The following DPYD variants were observed in gnomAD, a reference collection of about 807,000 sequenced individuals.
The protein encoded by DPYD is dihydropyrimidine dehydrogenase [NADP(+)].
In DPYD, 109 loss-of-function variants were observed where a neutral mutation model predicts 116.2. The ratio of observed to expected loss-of-function variants is 0.94; its 90% CI spans 0.80 to 1.10. DPYD has a LOEUF of 1.10. DPYD is among the 50% of genes least tolerant of loss of function. The pLI is 0.00. For missense variants in DPYD, 1,302 were observed against 1,254.5 expected (o/e 1.04, Z -0.57); for synonymous variants, 440 against 432.0 (o/e 1.02, Z -0.23).
At chr1:97,190,726 G>C (rs991312690) in intron 20 of DPYD, among the ~76,000 whole-genome samples, 2 of 152,122 alleles carry the variant, frequency 1.3e-5, no homozygotes, top group Non-Finnish European at 2.9e-5. Flanking sequence ...CTAATTACTT[G>C]AAAGATAACA....
chr1:97,860,207 G>C, intron 2 of DPYD, among the ~76,000 whole-genome samples: 1 of 152,060 alleles, frequency 6.6e-6, no homozygotes, highest in East Asian at 1.9e-4. Flanking sequence ...GCTGGGTGTG[G>C]TGATGCACTC....
intron 20 of DPYD, among the ~76,000 whole-genome samples, chr1:97,190,601 A>G (rs1658282541): frequency 1.3e-5 from 2 of 152,182 alleles, no homozygotes; most frequent in Admixed American, 1.3e-4. Context: ...TGGCTTGCAC[A>G]GTAAGTGTAC....
At chr1:97,188,032 C>T (rs904069277) in intron 20 of DPYD, among the ~76,000 whole-genome samples, 3 of 151,956 alleles carry the variant, frequency 2.0e-5, no homozygotes, top group Non-Finnish European at 4.4e-5. Context: ...AACTTTTTGT[C>T]AAATTTGCTT....
intron 19 of DPYD, among the ~76,000 whole-genome samples, chr1:97,198,174 T>A (rs1658945103): frequency 6.6e-6 from 1 of 152,074 alleles, no homozygotes; most frequent in Non-Finnish European, 1.5e-5. Context: ...AGATCCTGCA[T>A]TGGCCAAATT....
At chr1:97,479,862 A>C (rs1317265756) in intron 13 of DPYD, among the ~76,000 whole-genome samples, 1 of 152,214 alleles carries the variant, frequency 6.6e-6, no homozygotes. Context: ...GTTCTTACTA[A>C]TGGGATCCTG....
intron 3 of DPYD, among the ~76,000 whole-genome samples, chr1:97,790,252 G>A (rs1294047202): frequency 2.6e-5 from 4 of 152,240 alleles, no homozygotes; most frequent in African/African-American, 4.8e-5. Flanking sequence ...TACTCTTCAT[G>A]GACCCAGCTG....
chr1:97,088,567 G>T (rs558131021), intron 21 of DPYD, among the ~76,000 whole-genome samples: 1 of 152,088 alleles, frequency 6.6e-6, no homozygotes, highest in African/African-American at 2.4e-5. Flanking sequence ...GGTCTCTGAG[G>T]CAGTCCCAGG....
At chr1:97,402,557 C>A (rs765148537) in intron 14 of DPYD, among the ~76,000 whole-genome samples, 6 of 152,036 alleles carry the variant, frequency 3.9e-5, no homozygotes, top group Non-Finnish European at 8.8e-5. Flanking sequence ...ATAATGTCAT[C>A]TGCAAAAACA....
chr1:97,396,448 G>T (rs1673010286), intron 14 of DPYD, among the ~76,000 whole-genome samples: 1 of 151,910 alleles, frequency 6.6e-6, no homozygotes, highest in Admixed American at 6.6e-5. Flanking sequence ...CATTCTCAGA[G>T]GCTAACCTTA....
At chr1:97,279,711 T>C (rs1394961446) in intron 18 of DPYD, among the ~76,000 whole-genome samples, 1 of 152,138 alleles carries the variant, frequency 6.6e-6, no homozygotes, top group Non-Finnish European at 1.5e-5. Context: ...GGTTTCACCA[T>C]GTTGGCCAAG....
At chr1:97,392,914 A>T (rs1487943247) in intron 14 of DPYD, among the ~76,000 whole-genome samples, 1 of 152,034 alleles carries the variant, frequency 6.6e-6, no homozygotes, top group Non-Finnish European at 1.5e-5. Context: ...GTTAATGCAG[A>T]CATCTGACTT....
chr1:97,363,803 G>C (rs1428329636), intron 16 of DPYD, among the ~76,000 whole-genome samples: 1 of 152,146 alleles, frequency 6.6e-6, no homozygotes, highest in Admixed American at 6.5e-5. Context: ...GGCCTGTCAT[G>C]GGGTGGGGAG....
chr1:97,374,170 T>C (rs1375184981), intron 15 of DPYD, among the ~76,000 whole-genome samples: 1 of 152,208 alleles, frequency 6.6e-6, no homozygotes, highest in Non-Finnish European at 1.5e-5. Context: ...AAGCAAAATG[T>C]AAAATGTTTT....
chr1:97,903,847 A>T (rs938500494), intron 1 of DPYD, among the ~76,000 whole-genome samples: 10 of 151,982 alleles, frequency 6.6e-5, no homozygotes, highest in Non-Finnish European at 1.3e-4. Flanking sequence ...CTGTCCAAAA[A>T]TCTGACGGCT....
At position 97,915,990 on chromosome 1, in the gene DPYD, ATC is replaced by A. The variant is rs199960457; in HGVS notation, c.39+4892_39+4893del. Among the ~76,000 whole-genome samples, 1,418 of 152,274 alleles carry A rather than the reference ATC, an allele frequency of 9.3e-3. 14 individuals carry two copies. The highest frequency in any genetic ancestry group is 0.024 in the Middle Eastern group (7 of 294). On this transcript the variant is annotated intron_variant, in intron 1 of 22. Coordinates refer to ENST00000370192, the MANE Select transcript of DPYD (RefSeq NM_000110.4). ...TAATTATTAGAATTCTCCCACAGTG[ATC>A]AGACATCTTTATTTTACTAGGGGTT...
At chr1:97,451,520 C>A (rs1263260695) in intron 13 of DPYD, among the ~76,000 whole-genome samples, 1 of 152,076 alleles carries the variant, frequency 6.6e-6, no homozygotes, top group Non-Finnish European at 1.5e-5. Context: ...TAATTTTTTA[C>A]TAATTAAGCC....
At chr1:97,474,228 G>A (rs2101861191) in intron 13 of DPYD, among the ~76,000 whole-genome samples, 1 of 152,112 alleles carries the variant, frequency 6.6e-6, no homozygotes, top group East Asian at 1.9e-4. Flanking sequence ...ATATTCTAAC[G>A]ATGAACAATG....
chr1:97,434,398 G>A (rs1675349580), intron 14 of DPYD, among the ~76,000 whole-genome samples: 1 of 152,020 alleles, frequency 6.6e-6, no homozygotes, highest in South Asian at 2.1e-4. Flanking sequence ...AATTAGTTCA[G>A]GAAAAGAATC....
At chr1:97,751,482 A>ATATATATATATG (rs1557933360) in intron 3 of DPYD, among the ~76,000 whole-genome samples, 13 of 126,562 alleles carry the variant, frequency 1.0e-4, no homozygotes, top group Non-Finnish European at 2.0e-4. Context: ...ATATATATAT[A>ATATATATATATG]TATATATATA....
Sources: allele counts gnomAD v4.1 joint callset (sites outside exome capture counted in the v4.1 genomes callset), GRCh38; gene constraint gnomAD v4.1.1; transcripts MANE v1.5; gene names NCBI Gene and HGNC (gene_info 2026-07-23, HGNC 2026-07-21).